ZBTB41: variants seen among roughly 807,000 people sequenced by gnomAD.
The protein encoded by ZBTB41 is zinc finger and BTB domain-containing protein 41.
Under a neutral mutation model 87.6 loss-of-function variants are expected in ZBTB41, and 42 were observed. The observed-to-expected ratio is 0.48, with a 90% confidence interval of 0.37 to 0.62. The LOEUF is 0.62. ZBTB41 is among the 20% of genes least tolerant of loss of function. The pLI is 0.00. For synonymous variants in ZBTB41, 364 were observed against 364.0 expected (o/e 1.00, Z 0.00); for missense variants, 799 against 1,078.9 (o/e 0.74, Z 3.63).
intron 10 of ZBTB41, among the ~76,000 whole-genome samples, chr1:197,167,264 C>T (rs1281293384): frequency 6.6e-6 from 1 of 152,130 alleles, no homozygotes; most frequent in African/African-American, 2.4e-5. Context: ...GGTGCCATCC[C>T]AGCTCACTGC....
Position 197,158,265 on chromosome 1 carries a change from G to T in ZBTB41, c.*1094C>A, listed in dbSNP as rs1251562147. ...ATTACAGACATTAGGCTTTTGTGAAGGCAAAATTAAAGATCTGGATTGCAT... is the reference window on the plus strand; with the variant it reads ...ATTACAGACATTAGGCTTTTGTGAATGCAAAATTAAAGATCTGGATTGCAT... On this transcript the variant is annotated 3_prime_UTR_variant, in exon 11 of 11. Transcript: ENST00000367405. 6.6e-6 allele frequency: 1 copy of T among 152,310 alleles called. No homozygotes were observed. The highest frequency in any genetic ancestry group is 1.5e-5 in the Non-Finnish European group (1 of 67,846). 9.4% of individuals were successfully genotyped at this position (152,310 alleles called of 1,614,324 possible). A position where few individuals can be genotyped will look rare whatever the true frequency, so the allele number is the denominator to read the frequency against.
intron 5 of ZBTB41, among the ~76,000 whole-genome samples, chr1:197,182,771 A>C (rs1047252963): frequency 1.3e-5 from 2 of 152,210 alleles, no homozygotes; most frequent in Non-Finnish European, 2.9e-5. Flanking sequence ...AAAATGTGAT[A>C]TCTAGACCAT....
chr1:197,172,194 T>C lies in ZBTB41; in HGVS notation c.2040A>G (p.Lys680=). 1 of 1,439,026 alleles carries C rather than the reference T, an allele frequency of 6.9e-7. No individual in the cohort carries two copies. The highest frequency in any genetic ancestry group is 9.2e-7 in the Non-Finnish European group (1 of 1,084,124). The allele number at this position is 1,439,026 out of a possible 1,614,324, so 89.1% of individuals were successfully genotyped here. ...CDVCKKIFKG[K]SSLEMHFRTH... ...TTCGAAAATGCATTTCCAGACTTGATTTGCCTTTAAAAATTTTCTTACAAA... is the reference window on the plus strand; with the variant it reads ...TTCGAAAATGCATTTCCAGACTTGACTTGCCTTTAAAAATTTTCTTACAAA... Residue 680 remains lysine (K), a synonymous_variant, in exon 10 of 11, where the codon AAA becomes AAG. Coordinates refer to ENST00000367405, the MANE Select transcript of ZBTB41 (RefSeq NM_194314.3).
At chr1:197,186,278 CAAA>C (rs35246227) in intron 5 of ZBTB41, among the ~76,000 whole-genome samples, 5 of 133,172 alleles carry the variant, frequency 3.8e-5, no homozygotes, top group Non-Finnish European at 4.9e-5. Context: ...TATCCACAGA[CAAA>C]AAAAAAAAAA....
In ZBTB41 at chr1:197,155,321, A is replaced by C. The variant is rs1659038333; in HGVS notation, c.*4038T>G. On this transcript the variant is annotated 3_prime_UTR_variant, in exon 11 of 11. Transcript: ENST00000367405. ...AAACATAAAGCAACCTAAAAAAAAA[A>C]AGTTGCCCAACCAGCAGGCAACACA... 1 of 152,290 alleles carries C rather than the reference A, an allele frequency of 6.6e-6. No individual in the cohort carries two copies. Among genetic ancestry groups the C allele is most frequent in the African/African-American group, 2.4e-5 (1 of 41,408 alleles). The allele number at this position is 152,290 out of a possible 1,614,324, so 9.4% of individuals were successfully genotyped here.
intron 2 of ZBTB41, among the ~76,000 whole-genome samples, chr1:197,197,874 G>A (rs748948695): frequency 2.0e-5 from 3 of 152,126 alleles, no homozygotes; most frequent in Admixed American, 6.5e-5. Flanking sequence ...AGCATGTCAC[G>A]GGACTAATGT....
chr1:197,195,871 G>C (rs1660149825), intron 2 of ZBTB41, among the ~76,000 whole-genome samples: 1 of 152,120 alleles, frequency 6.6e-6, no homozygotes, highest in African/African-American at 2.4e-5. Context: ...AAGGATAAAA[G>C]ATGCAAAGTA....
At chr1:197,176,714 A>G (rs1414396246) in intron 7 of ZBTB41, 44 bp from the exon 8 acceptor site, 2 of 1,356,212 alleles carry the variant, frequency 1.5e-6, no homozygotes, top group African/African-American at 2.9e-5. Flanking sequence ...CTGGTGACAT[A>G]GAAGGAAAAA....
chr1:197,172,887 T>A (rs1029107931), intron 9 of ZBTB41, among the ~76,000 whole-genome samples: 1 of 152,086 alleles, frequency 6.6e-6, no homozygotes, highest in Non-Finnish European at 1.5e-5. Context: ...AAATTTGAAC[T>A]AATAAATAAA....
At chr1:197,171,729 TA>T (rs1160724013) in intron 10 of ZBTB41, among the ~76,000 whole-genome samples, 1 of 151,846 alleles carries the variant, frequency 6.6e-6, no homozygotes, top group East Asian at 1.9e-4. Context: ...GAAACGATGG[TA>T]ACTTGGCAAA....
chr1:197,177,264 A>G (rs1369442721), intron 7 of ZBTB41, among the ~76,000 whole-genome samples: 1 of 152,032 alleles, frequency 6.6e-6, no homozygotes, highest in East Asian at 1.9e-4. Context: ...ACAAGATCTG[A>G]TGCTTTAAAA....
At chr1:197,173,672 T>C (rs1183247411) in intron 9 of ZBTB41, among the ~76,000 whole-genome samples, 1 of 152,128 alleles carries the variant, frequency 6.6e-6, no homozygotes, top group Admixed American at 6.6e-5. Context: ...ATTTGGATTT[T>C]GTGAATTGAG....
At chr1:197,176,743 G>A in intron 7 of ZBTB41, 73 bp from the exon 8 acceptor site, 1 of 1,072,744 alleles carries the variant, frequency 9.3e-7, no homozygotes, top group Admixed American at 1.8e-5. Context: ...ATGAATAAAT[G>A]ATGAATAAAC....
intron 4 of ZBTB41, among the ~76,000 whole-genome samples, chr1:197,189,982 C>G (rs6428390): frequency 0.77 from 117,804 of 152,096 alleles, 48,998 homozygotes; most frequent in East Asian, 0.98. Flanking sequence ...GCAGTGGTGT[C>G]ATCTTGGCTC....
chr1:197,184,608 A>G (rs1557983431), intron 5 of ZBTB41, among the ~76,000 whole-genome samples: 1 of 152,138 alleles, frequency 6.6e-6, no homozygotes, highest in Non-Finnish European at 1.5e-5. Flanking sequence ...TGAAAAATAC[A>G]CTTTTATTAA....
intron 2 of ZBTB41, among the ~76,000 whole-genome samples, 193 bp downstream of exon 2, chr1:197,199,160 TA>T (rs1389310364): frequency 6.6e-6 from 1 of 152,162 alleles, no homozygotes; most frequent in African/African-American, 2.4e-5. Context: ...AAGGCTAATA[TA>T]AATACTTAAA....
chr1:197,185,592 C>CAA (rs796880990), intron 5 of ZBTB41, among the ~76,000 whole-genome samples: 2 of 138,624 alleles, frequency 1.4e-5, no homozygotes, highest in Non-Finnish European at 3.2e-5. Flanking sequence ...CATTTGTCAC[C>CAA]AAAAAAAAAA....
At chr1:197,179,563 G>A (rs1200066834) in intron 6 of ZBTB41, among the ~76,000 whole-genome samples, 13 of 151,772 alleles carry the variant, frequency 8.6e-5, no homozygotes, top group Non-Finnish European at 1.8e-4. Flanking sequence ...CCTCAGCCAA[G>A]TCCTTCTAGA....
chr1:197,183,354 A>T (rs185673641), intron 5 of ZBTB41, among the ~76,000 whole-genome samples: 144 of 152,304 alleles, frequency 9.5e-4, no homozygotes, highest in Non-Finnish European at 1.8e-3. Flanking sequence ...CAAATGAGGA[A>T]ACTGGAAGTC....
Sources: allele counts gnomAD v4.1 joint callset (sites outside exome capture counted in the v4.1 genomes callset), GRCh38; gene constraint gnomAD v4.1.1; transcripts MANE v1.5; gene names NCBI Gene and HGNC (gene_info 2026-07-23, HGNC 2026-07-21).